Variants in TAF6L observed in about 807,000 individuals in gnomAD.
The protein encoded by TAF6L is TAF6-like RNA polymerase II p300/CBP-associated factor-associated factor 65 kDa subunit 6L.
Under a neutral mutation model 57.3 loss-of-function variants are expected in TAF6L, and 34 were observed. That is an observed-to-expected ratio of 0.59 (90% CI 0.45 to 0.79). The LOEUF is 0.79. TAF6L is among the 30% of genes least tolerant of loss of function. The pLI, the probability that TAF6L is intolerant of heterozygous loss-of-function variation, is 0.00. For missense variants in TAF6L, 782 were observed against 853.2 expected (o/e 0.92, Z 1.04); for synonymous variants, 417 against 376.3 (o/e 1.11, Z -1.25).
chr11:62,787,315 C>A lies in TAF6L; in HGVS notation c.*19C>A, dbSNP rs752585819. ...GCTCTGAGTCAGTGGCCCCTTCGTTCCTTGTAAATAAATCCCGCCCCCGGA... is the reference window on the plus strand; with the variant it reads ...GCTCTGAGTCAGTGGCCCCTTCGTTACTTGTAAATAAATCCCGCCCCCGGA... On this transcript the variant is annotated 3_prime_UTR_variant, in exon 11 of 11. Transcript: ENST00000294168. 46 of 1,526,814 alleles carry A rather than the reference C, an allele frequency of 3.0e-5. No individual in the cohort carries two copies. The highest frequency in any genetic ancestry group is 3.9e-5 in the Non-Finnish European group (45 of 1,143,920). 94.6% of individuals were successfully genotyped at this position (1,526,814 alleles called of 1,614,324 possible). A position where few individuals can be genotyped will look rare whatever the true frequency, so the allele number is the denominator to read the frequency against.
At chr11:62,782,975 C>T in intron 9 of TAF6L, 150 bp downstream of exon 9, 1 of 1,199,254 alleles carries the variant, frequency 8.3e-7, no homozygotes, top group Non-Finnish European at 1.1e-6. Flanking sequence ...TGATACTTGA[C>T]TTTCTGAATG....
intron 6 of TAF6L, among the ~76,000 whole-genome samples, chr11:62,781,459 G>A (rs888304718): frequency 6.6e-6 from 1 of 151,910 alleles, no homozygotes; most frequent in Non-Finnish European, 1.5e-5. Flanking sequence ...AGATCACGAG[G>A]TCAGGAGATC....
chr11:62,782,055 A>G, intron 7 of TAF6L, 58 bp from the exon 8 acceptor site: 3 of 1,590,876 alleles, frequency 1.9e-6, no homozygotes, highest in East Asian at 2.2e-5. Flanking sequence ...TGCTGTCAGA[A>G]TGGTGGGCTC....
Position 62,777,913 on chromosome 11 carries a change from T to A in TAF6L, c.235-65T>A, listed in dbSNP as rs371760904. On this transcript the variant is annotated intron_variant, in intron 3 of 10. Coordinates refer to ENST00000294168, the MANE Select transcript of TAF6L (RefSeq NM_006473.4). ...CTCTGCTCTGGTCAGTGGAGCCTCATCCTGGATCCTGACGCCTGCTCCCTC... is the reference window on the plus strand; with the variant it reads ...CTCTGCTCTGGTCAGTGGAGCCTCAACCTGGATCCTGACGCCTGCTCCCTC... 1.1e-4 allele frequency: 181 copies of A among 1,577,472 alleles called. No homozygotes were observed. The East Asian group carries it at 1.6e-3, about 14-fold the overall frequency.
In TAF6L at chr11:62,786,868, T is replaced by C; in HGVS notation, c.1441T>C (p.Ser481Pro). The C allele has an allele frequency of 6.3e-7, 1 of 1,587,996 alleles. No homozygotes were observed. Among genetic ancestry groups the C allele is most frequent in the South Asian group, 1.1e-5 (1 of 90,050 alleles). Reference sequence around the variant, plus strand: ...GAAGGAGCCGGCGGCAGCCCCGGACTCGGTGCGGAAGATGCCGCAGCTGAC... The same window carrying C: ...GAAGGAGCCGGCGGCAGCCCCGGACCCGGTGCGGAAGATGCCGCAGCTGAC... ...DKKEPAAAPD[S>P]VRKMPQLTAS... The change falls in exon 11 of 11, where the codon TCG (serine) becomes CCG (proline). Residue 481 changes from serine to proline, a missense_variant. Transcript: ENST00000294168.
At position 62,782,096 on chromosome 11, in the gene TAF6L, C is replaced by G. The variant is rs771675553; in HGVS notation, c.607-17C>G. 6 of 1,595,378 alleles carry G rather than the reference C, an allele frequency of 3.8e-6. No individual in the cohort carries two copies. The East Asian group carries it at 1.3e-4, about 36-fold the overall frequency. On this transcript the variant is annotated splice_polypyrimidine_tract_variant and intron_variant, in intron 7 of 10. Transcript: ENST00000294168. ...TGTCCCCTCATGTCCCTGTAAGCTA[C>G]CCTCTTCTCCCAACAGGTGAAATCT...
chr11:62,774,381 T>G (rs2084170435), intron 1 of TAF6L, among the ~76,000 whole-genome samples: 1 of 152,090 alleles, frequency 6.6e-6, no homozygotes, highest in African/African-American at 2.4e-5. Flanking sequence ...CGGCCCAAAT[T>G]TGTTCTTTAT....
At chr11:62,774,471 G>A (rs1242729960) in intron 1 of TAF6L, 2 of 419,354 alleles carry the variant, frequency 4.8e-6, no homozygotes, top group Non-Finnish European at 4.8e-6. Flanking sequence ...GGACCTGGAC[G>A]TCACTGGTGA....
rs769770940 is a variant in TAF6L, at chr11:62,787,079, G to A, written c.1652G>A (p.Arg551His). 24 of 1,534,806 alleles carry A rather than the reference G, an allele frequency of 1.6e-5. No homozygotes were observed. In the South Asian group the frequency reaches 2.7e-4, roughly 17 times the overall value. Residue 551 changes from arginine to histidine, a missense_variant, in exon 11 of 11, where the codon CGT (arginine) becomes CAT (histidine). This residue lies in a region of TAF6L where 483 missense variants were observed against 445.1 expected (regional missense o/e 1.09). Transcript: ENST00000294168. ...TGTRDVFQKS[R>H]FAPRGAPHFR... ...ACCCGCGACGTTTTCCAGAAGAGCC[G>A]TTTCGCCCCGCGCGGCGCCCCGCAC... is the stretch of plus-strand genomic sequence containing the variant.
intron 6 of TAF6L, among the ~76,000 whole-genome samples, chr11:62,780,853 C>CT (rs2134713288): frequency 6.7e-6 from 1 of 150,346 alleles, no homozygotes; most frequent in African/African-American, 2.4e-5. Flanking sequence ...AGGAGAATCG[C>CT]TTGAACCCAA....
In TAF6L at chr11:62,771,882, A is replaced by G. The variant is rs560958435; in HGVS notation, c.-14+392A>G. The G allele has an allele frequency of 2.7e-4, 83 of 308,306 alleles. 4 individuals are homozygous for G. The highest frequency in any genetic ancestry group is 2.2e-3 in the South Asian group (83 of 38,492). The allele number at this position is 308,306 out of a possible 1,614,324, so 19.1% of individuals were successfully genotyped here. ...GACTAAATGCTCCCATTTTACAGAT[A>G]GGGAAACTGCAGCTTCACAACGATC... On this transcript the variant is annotated intron_variant, in intron 1 of 10. Transcript: ENST00000294168.
intron 6 of TAF6L, among the ~76,000 whole-genome samples, chr11:62,780,456 A>G (rs1246913343): frequency 6.6e-6 from 1 of 152,030 alleles, no homozygotes; most frequent in Admixed American, 6.6e-5. Flanking sequence ...GGTTGCTGTG[A>G]GCTGAGATTG....
At chr11:62,784,903 G>A (rs2084258914) in intron 9 of TAF6L, among the ~76,000 whole-genome samples, 1 of 152,194 alleles carries the variant, frequency 6.6e-6, no homozygotes. Context: ...CTCATGTACT[G>A]TCCTTGTCTG....
Position 62,786,524 on chromosome 11 carries a change from T to C in TAF6L, c.1097T>C (p.Val366Ala). Residue 366 changes from valine to alanine, a missense_variant, in exon 11 of 11, where the codon GTA becomes GCA. Val to Ala is a moderately conservative substitution (Grantham distance 64). Coordinates refer to ENST00000294168, the MANE Select transcript of TAF6L (RefSeq NM_006473.4). Reference sequence around the variant, plus strand: ...AGTCCTTGGCTCTTACAGGTGGCGGTAGAGCGACTGCTGAAGATGAAGGCC... The same window carrying C: ...AGTCCTTGGCTCTTACAGGTGGCGGCAGAGCGACTGCTGAAGATGAAGGCC... ...HKVYGAILVA[V>A]ERLLKMKAQA... 2.6e-6 allele frequency: 4 copies of C among 1,554,028 alleles called. No individual in the cohort carries two copies. The highest frequency in any genetic ancestry group is 2.4e-5 in the South Asian group (2 of 82,060).
At chr11:62,785,409 G>A (rs919754592) in intron 9 of TAF6L, among the ~76,000 whole-genome samples, 2 of 150,170 alleles carry the variant, frequency 1.3e-5, no homozygotes, top group Non-Finnish European at 3.0e-5. Flanking sequence ...GCCAGGGCTC[G>A]TCTCGAACTC....
chr11:62,783,156 G>C (rs2084242813), intron 9 of TAF6L, among the ~76,000 whole-genome samples: 1 of 152,200 alleles, frequency 6.6e-6, no homozygotes, highest in South Asian at 2.1e-4. Context: ...TTTAGCATCT[G>C]TAGAAATTAT....
rs1269791517 is a variant in TAF6L at position 62,782,322 on chromosome 11, C to G, written c.816C>G (p.Ser272Arg). 6.2e-7 allele frequency: 1 copy of G among 1,613,518 alleles called. No individual in the cohort carries two copies. The change falls in exon 8 of 11, where the codon AGC (serine) becomes AGG (arginine). Residue 272 changes from serine (S) to arginine (R), a missense_variant. Physicochemically the swap from Ser to Arg is moderately radical, Grantham distance 110 (BLOSUM62 -1). This residue lies in a region of TAF6L where 79 missense variants were observed against 156.0 expected (regional missense o/e 0.51). Coordinates refer to ENST00000294168, the MANE Select transcript of TAF6L (RefSeq NM_006473.4). ...GGGATGGGGCTGCCCTCCTGCTCAG[C>G]CACATCTTCTGGTAGCCACTGGGCC... ...TLRDGAALLLSHIFWTHGDLV... is the reference protein window; with the variant it reads ...TLRDGAALLLRHIFWTHGDLV...
chr11:62,772,600 T>TG (rs2084156806), intron 1 of TAF6L, among the ~76,000 whole-genome samples: 1 of 150,024 alleles, frequency 6.7e-6, no homozygotes, highest in African/African-American at 2.5e-5. Context: ...GAGGCCGAGG[T>TG]GGGCGGATCA....
At chr11:62,778,149 T>C in intron 4 of TAF6L, 21 bp downstream of exon 4, 2 of 1,613,872 alleles carry the variant, frequency 1.2e-6, no homozygotes, top group Non-Finnish European at 1.7e-6. Flanking sequence ...GGGTCCTGCA[T>C]GGGTTGGGGA....
Sources: gnomAD v4.1 joint callset for allele counts (sites outside exome capture counted in the v4.1 genomes callset) on GRCh38, gnomAD v4.1.1 for gene constraint, gnomAD v4.1.1 regional missense constraint, MANE v1.5 for transcripts, NCBI Gene and HGNC (gene_info 2026-07-23, HGNC 2026-07-21) for gene names.